KHDRBS2: variants seen among roughly 807,000 people sequenced by gnomAD.
KHDRBS2 encodes the protein KH domain-containing, RNA-binding, signal transduction-associated protein 2.
KHDRBS2 carries 26 observed loss-of-function variants against 44.3 expected under a neutral mutation model. The observed-to-expected ratio is 0.59, with a 90% confidence interval of 0.43 to 0.81. The LOEUF is 0.81. Among genes scored for constraint, KHDRBS2 ranks in the 40% least tolerant of loss-of-function variants. KHDRBS2 has a pLI of 0.00. For synonymous variants in KHDRBS2, 194 were observed against 151.1 expected, an observed-to-expected ratio of 1.28 and a Z score of -2.08; for missense variants, 476 against 433.1, an observed-to-expected ratio of 1.10 and a Z score of -0.88.
At chr6:61,775,620 C>G (rs1781828108) in intron 6 of KHDRBS2, among the ~76,000 whole-genome samples, 1 of 151,972 alleles carries the variant, frequency 6.6e-6, no homozygotes, top group South Asian at 2.1e-4. Flanking sequence ...AAACTACAAA[C>G]CATTGCTCAA....
intron 6 of KHDRBS2, among the ~76,000 whole-genome samples, chr6:61,769,852 A>G (rs1189277297): frequency 6.6e-6 from 1 of 152,170 alleles, no homozygotes; most frequent in Non-Finnish European, 1.5e-5. Context: ...TTCTCCCAGC[A>G]CGCAGCTTGA....
the KHDRBS2 span, among the ~76,000 whole-genome samples, chr6:61,578,097 A>C: frequency 6.6e-6 from 1 of 152,136 alleles, no homozygotes; most frequent in Non-Finnish European, 1.5e-5. Flanking sequence ...AAAAGGCTGA[A>C]TGTTAAACGT....
rs778066981 is a variant in KHDRBS2 at position 61,869,269 on chromosome 6, C to A, written c.810+25366G>T. 1.7e-4 allele frequency among the ~76,000 whole-genome samples: 26 copies of A among 152,302 alleles called. No individual in the cohort carries two copies. The South Asian group carries it at 2.3e-3, about 13-fold the overall frequency. ...TATATGCCATGCACTGTAGCTGCTT[C>A]TTCACACAATTTTCTATTGTTTTTG... is the stretch of plus-strand genomic sequence containing the variant. On this transcript the variant is annotated intron_variant, in intron 6 of 8. Transcript: ENST00000281156.
chr6:61,804,116 C>T (rs1051581131), intron 6 of KHDRBS2, among the ~76,000 whole-genome samples: 10 of 152,134 alleles, frequency 6.6e-5, no homozygotes, highest in Admixed American at 2.6e-4. Flanking sequence ...CAAGGCAAGT[C>T]CCTGCCACCT....
chr6:61,621,941 G>T, the KHDRBS2 span, among the ~76,000 whole-genome samples: 1 of 152,156 alleles, frequency 6.6e-6, no homozygotes, highest in Admixed American at 6.5e-5. Context: ...TCACCATAGA[G>T]ATAGTAAGAA....
chr6:61,580,401 G>C, the KHDRBS2 span, among the ~76,000 whole-genome samples: 1 of 152,112 alleles, frequency 6.6e-6, no homozygotes, highest in Non-Finnish European at 1.5e-5. Context: ...CAATCAGCAG[G>C]ATGAGGGCAA....
chr6:62,266,058 A>T (rs73758526), intron 1 of KHDRBS2, among the ~76,000 whole-genome samples: 1,753 of 152,088 alleles, frequency 0.012, 37 homozygotes, highest in African/African-American at 0.039. Flanking sequence ...TCATTTCTTG[A>T]TTTGGGGGTG....
chr6:61,781,134 C>T (rs1255195428), intron 6 of KHDRBS2, among the ~76,000 whole-genome samples: 2 of 152,224 alleles, frequency 1.3e-5, no homozygotes, highest in South Asian at 2.1e-4. Flanking sequence ...TGCAATTACA[C>T]AAAGGCAGAA....
At chr6:61,710,587 C>G (rs1164392868) in intron 7 of KHDRBS2, among the ~76,000 whole-genome samples, 1 of 151,294 alleles carries the variant, frequency 6.6e-6, no homozygotes, top group East Asian at 2.0e-4. Context: ...GACTCTATGT[C>G]CCTAACTATG....
intron 6 of KHDRBS2, among the ~76,000 whole-genome samples, chr6:61,819,197 C>T (rs1789480490): frequency 6.6e-6 from 1 of 151,744 alleles, no homozygotes. Context: ...TGATTTCATT[C>T]ATACAAATCA....
At chr6:61,666,647 G>A in the KHDRBS2 span, among the ~76,000 whole-genome samples, 1 of 151,404 alleles carries the variant, frequency 6.6e-6, no homozygotes, top group Non-Finnish European at 1.5e-5. Flanking sequence ...TTTGAAAATA[G>A]AGTAAGCCTA....
At chr6:62,270,299 C>G (rs1213759342) in intron 1 of KHDRBS2, among the ~76,000 whole-genome samples, 1 of 141,484 alleles carries the variant, frequency 7.1e-6, no homozygotes, top group Non-Finnish European at 1.5e-5. Flanking sequence ...CTCTCTCTCT[C>G]TCCTCTCTCT....
the KHDRBS2 span, among the ~76,000 whole-genome samples, chr6:61,616,881 C>T: frequency 2.6e-5 from 4 of 152,110 alleles, no homozygotes; most frequent in African/African-American, 4.8e-5. Flanking sequence ...CAAGAAAATC[C>T]TCATTTGGAA....
At chr6:62,108,573 T>G (rs905959876) in intron 2 of KHDRBS2, among the ~76,000 whole-genome samples, 1 of 152,108 alleles carries the variant, frequency 6.6e-6, no homozygotes, top group Non-Finnish European at 1.5e-5. Context: ...GAAATACCAT[T>G]TGACCCAGCC....
intron 1 of KHDRBS2, among the ~76,000 whole-genome samples, chr6:62,214,313 A>G (rs1446141523): frequency 6.6e-6 from 1 of 152,222 alleles, no homozygotes; most frequent in Non-Finnish European, 1.5e-5. Flanking sequence ...GCCATTAATG[A>G]TTATAACAAT....
chr6:61,721,377 C>T (rs1772504402), intron 7 of KHDRBS2, among the ~76,000 whole-genome samples: 1 of 151,774 alleles, frequency 6.6e-6, no homozygotes, highest in South Asian at 2.1e-4. Flanking sequence ...GGCAGTATGG[C>T]CATTTTCACG....
intron 4 of KHDRBS2, among the ~76,000 whole-genome samples, chr6:61,909,963 G>A (rs1805750398): frequency 6.6e-6 from 1 of 152,154 alleles, no homozygotes; most frequent in African/African-American, 2.4e-5. Context: ...ACTCAGCTCT[G>A]GCAATGCCAA....
the KHDRBS2 span, among the ~76,000 whole-genome samples, chr6:61,635,792 A>G: frequency 6.6e-5 from 10 of 152,036 alleles, no homozygotes; most frequent in African/African-American, 2.4e-4. Context: ...AAAAGCCTAT[A>G]TTCATAGTTT....
intron 2 of KHDRBS2, among the ~76,000 whole-genome samples, chr6:62,098,683 T>G (rs547694974): frequency 1.6e-4 from 25 of 152,194 alleles, no homozygotes; most frequent in Non-Finnish European, 2.8e-4. Flanking sequence ...TTTTGTATAT[T>G]TCTCTGGGTT....
Sources: allele counts gnomAD v4.1 joint callset (sites outside exome capture counted in the v4.1 genomes callset), GRCh38; gene constraint gnomAD v4.1.1; transcripts MANE v1.5; gene names NCBI Gene and HGNC (gene_info 2026-07-23, HGNC 2026-07-21).